Variants in TTC28 observed in about 807,000 individuals in gnomAD.
TTC28 encodes the protein tetratricopeptide repeat protein 28.
In TTC28, 61 loss-of-function variants were observed where a neutral mutation model predicts 198.0. The observed-to-expected ratio is 0.31, with a 90% CI of 0.25 to 0.38. TTC28 has a LOEUF of 0.38. TTC28 is among the 10% of genes least tolerant of loss of function. The pLI, the probability that TTC28 is intolerant of heterozygous loss-of-function variation, is 1.00. For synonymous variants in TTC28, 1,171 were observed against 1,297.8 expected (o/e 0.90, Z 2.10); for missense variants, 2,678 against 3,164.0 (o/e 0.85, Z 3.69).
chr22:28,538,664 A>T (rs2049349391), intron 2 of TTC28, among the ~76,000 whole-genome samples: 2 of 150,552 alleles, frequency 1.3e-5, no homozygotes, highest in South Asian at 4.2e-4. Flanking sequence ...AGTTCAAGCA[A>T]TTCTCTTGCC....
intron 5 of TTC28, among the ~76,000 whole-genome samples, chr22:28,245,255 G>T (rs1391715029): frequency 6.6e-6 from 1 of 152,130 alleles, no homozygotes; most frequent in East Asian, 1.9e-4. Context: ...AGTTTCTCAT[G>T]CTTTATAATG....
At chr22:28,599,542 A>G (rs944897356) in intron 2 of TTC28, among the ~76,000 whole-genome samples, 1 of 152,142 alleles carries the variant, frequency 6.6e-6, no homozygotes, top group Non-Finnish European at 1.5e-5. Context: ...TAATCCCAGC[A>G]CTTTGGAAGG....
intron 5 of TTC28, among the ~76,000 whole-genome samples, chr22:28,192,871 G>T (rs1050313457): frequency 6.6e-6 from 1 of 152,148 alleles, no homozygotes. Context: ...CACTCTGCAG[G>T]ATATTTTCCA....
chr22:28,633,338 T>C (rs1198096192), intron 1 of TTC28, among the ~76,000 whole-genome samples: 1 of 150,306 alleles, frequency 6.7e-6, no homozygotes, highest in Admixed American at 6.6e-5. Flanking sequence ...TCAAAAAGAA[T>C]TGCAGAGTAA....
At chr22:28,191,832 C>T (rs1924802555) in intron 5 of TTC28, among the ~76,000 whole-genome samples, 1 of 152,202 alleles carries the variant, frequency 6.6e-6, no homozygotes, top group Non-Finnish European at 1.5e-5. Flanking sequence ...TCAAGGAGGC[C>T]TGCCTGCCTC....
At chr22:28,098,054 A>G (rs1431694609) in intron 10 of TTC28, among the ~76,000 whole-genome samples, 1 of 152,236 alleles carries the variant, frequency 6.6e-6, no homozygotes, top group Non-Finnish European at 1.5e-5. Flanking sequence ...GTTCCAATAA[A>G]TATCTCCTGG....
intron 2 of TTC28, among the ~76,000 whole-genome samples, chr22:28,460,567 T>C (rs1303657027): frequency 2.0e-5 from 3 of 152,040 alleles, no homozygotes; most frequent in Non-Finnish European, 2.9e-5. Flanking sequence ...TATGTATGTA[T>C]GTATGTACAT....
intron 2 of TTC28, among the ~76,000 whole-genome samples, chr22:28,618,671 G>A: frequency 7.4e-6 from 1 of 135,026 alleles, no homozygotes; most frequent in Non-Finnish European, 1.5e-5. Context: ...GACAGAGCAA[G>A]ACTCTGTCTC....
At chr22:28,669,339 G>A (rs956810977) in intron 1 of TTC28, among the ~76,000 whole-genome samples, 6 of 151,822 alleles carry the variant, frequency 4.0e-5, no homozygotes, top group African/African-American at 1.5e-4. Context: ...ACTTCACATG[G>A]GGCCACATGT....
At chr22:28,092,278 T>A (rs1316279112) in intron 12 of TTC28, among the ~76,000 whole-genome samples, 1 of 152,190 alleles carries the variant, frequency 6.6e-6, no homozygotes, top group Non-Finnish European at 1.5e-5. Context: ...TAGAAGGCCA[T>A]ACTTCAGAGC....
chr22:28,301,668 G>A (rs2045030224), intron 3 of TTC28, among the ~76,000 whole-genome samples: 1 of 152,112 alleles, frequency 6.6e-6, no homozygotes, highest in Non-Finnish European at 1.5e-5. Flanking sequence ...ATATCTAAAG[G>A]GGCCTAAAAG....
chr22:28,284,675 A>G (rs1390009581), intron 5 of TTC28, among the ~76,000 whole-genome samples: 14 of 152,172 alleles, frequency 9.2e-5, no homozygotes, highest in Admixed American at 9.2e-4. Flanking sequence ...ACCCAATTTA[A>G]AAAAAGCAAA....
At chr22:28,468,153 A>G (rs944258580) in intron 2 of TTC28, among the ~76,000 whole-genome samples, 1 of 152,068 alleles carries the variant, frequency 6.6e-6, no homozygotes, top group Admixed American at 6.6e-5. Context: ...TCAAAAAGAA[A>G]ACATCCTCAA....
rs1246041083 is a variant in TTC28 at position 28,656,202 on chromosome 22, T to C, written c.102+23420A>G. ...CACTACTCAGCTGTGCTGGTTTTTC[T>C]AATTTCCCAGGAGAGGCCCAAGGAG... On this transcript the variant is annotated intron_variant, in intron 1 of 22. Transcript: ENST00000397906. 3.3e-5 allele frequency among the ~76,000 whole-genome samples: 5 copies of C among 152,306 alleles called. No homozygotes were observed. The East Asian group carries it at 9.6e-4, about 29-fold the overall frequency.
intron 13 of TTC28, among the ~76,000 whole-genome samples, chr22:28,018,306 C>CGCACGCGCGCGGG (rs1451764096): frequency 2.0e-5 from 1 of 49,194 alleles, no homozygotes; most frequent in African/African-American, 6.0e-5. Flanking sequence ...TGTGCGCGCG[C>CGCACGCGCGCGGG]GGGGGGGGGG....
intron 6 of TTC28, among the ~76,000 whole-genome samples, chr22:28,140,659 G>C (rs754880015): frequency 1.1e-4 from 17 of 152,186 alleles, no homozygotes; most frequent in Non-Finnish European, 2.2e-4. Context: ...CACGGGCCTG[G>C]CCTTTCCAGA....
At chr22:28,480,554 T>C (rs1202371346) in intron 2 of TTC28, among the ~76,000 whole-genome samples, 1 of 152,216 alleles carries the variant, frequency 6.6e-6, no homozygotes, top group Non-Finnish European at 1.5e-5. Flanking sequence ...GCACTAACAA[T>C]CTGATGATTG....
intron 6 of TTC28, among the ~76,000 whole-genome samples, chr22:28,112,478 T>C (rs1446650963): frequency 2.0e-5 from 3 of 152,158 alleles, no homozygotes; most frequent in African/African-American, 7.2e-5. Flanking sequence ...CTGTAAAGAA[T>C]CATAGGAAGA....
intron 2 of TTC28, among the ~76,000 whole-genome samples, chr22:28,379,538 C>G (rs1032335844): frequency 6.6e-6 from 1 of 152,106 alleles, no homozygotes; most frequent in Admixed American, 6.5e-5. Flanking sequence ...AAGACAAATA[C>G]TGTATAATTC....
Sources: gnomAD v4.1 joint callset for allele counts (sites outside exome capture counted in the v4.1 genomes callset) on GRCh38, gnomAD v4.1.1 for gene constraint, MANE v1.5 for transcripts, NCBI Gene and HGNC (gene_info 2026-07-23, HGNC 2026-07-21) for gene names.